AUH: variants seen among roughly 807,000 people sequenced by gnomAD.
AUH encodes the protein AU RNA binding methylglutaconyl-CoA hydratase, also known as methylglutaconyl-CoA hydratase, mitochondrial.
Under a neutral mutation model 42.3 loss-of-function variants are expected in AUH, and 29 were observed. The ratio of observed to expected loss-of-function variants is 0.69; its 90% CI spans 0.51 to 0.93. AUH has a LOEUF of 0.93. Among genes scored for constraint, AUH ranks in the 40% least tolerant of loss-of-function variants. The pLI, the probability that AUH is intolerant of heterozygous loss-of-function variation, is 0.00. For missense variants in AUH, 452 were observed against 438.1 expected, an observed-to-expected ratio of 1.03 and a Z score of -0.28; for synonymous variants, 174 against 166.4, an observed-to-expected ratio of 1.05 and a Z score of -0.35.
intron 4 of AUH, among the ~76,000 whole-genome samples, chr9:91,311,514 A>T (rs1471865048): frequency 6.6e-6 from 1 of 152,260 alleles, no homozygotes. Context: ...ATATTTCTTT[A>T]TCATTAGGTA....
At chr9:91,339,481 A>G (rs1057192104) in intron 3 of AUH, among the ~76,000 whole-genome samples, 8 of 152,256 alleles carry the variant, frequency 5.3e-5, no homozygotes, top group Admixed American at 3.9e-4. Context: ...GAAGGTAACA[A>G]TGAACCCTGT....
At chr9:91,354,344 C>T (rs930105977) in intron 3 of AUH, among the ~76,000 whole-genome samples, 2 of 152,150 alleles carry the variant, frequency 1.3e-5, no homozygotes, top group African/African-American at 4.8e-5. Context: ...CCTGATTGTA[C>T]GAAAGTTTAA....
intron 6 of AUH, among the ~76,000 whole-genome samples, chr9:91,243,983 G>C (rs1239503705): frequency 6.6e-6 from 1 of 152,094 alleles, no homozygotes; most frequent in African/African-American, 2.4e-5. Flanking sequence ...TCTTAGCATA[G>C]CAAAGAAACT....
intron 4 of AUH, chr9:91,306,448 C>G: frequency 1.1e-6 from 1 of 906,124 alleles, no homozygotes; most frequent in Non-Finnish European, 1.3e-6. Flanking sequence ...AAAAAGATAA[C>G]ATACCATAAG....
chr9:91,266,779 T>C (rs1829999629), intron 6 of AUH, among the ~76,000 whole-genome samples: 1 of 152,162 alleles, frequency 6.6e-6, no homozygotes, highest in South Asian at 2.1e-4. Flanking sequence ...CCCCTATGAC[T>C]GGGGCACATA....
intron 6 of AUH, among the ~76,000 whole-genome samples, chr9:91,269,055 ACT>A: frequency 6.6e-6 from 1 of 152,176 alleles, no homozygotes; most frequent in South Asian, 2.1e-4. Flanking sequence ...ATCTTGGCTA[ACT>A]GCAACCTTCA....
intron 6 of AUH, among the ~76,000 whole-genome samples, chr9:91,259,987 A>C (rs2131436614): frequency 6.6e-6 from 1 of 152,244 alleles, no homozygotes; most frequent in East Asian, 1.9e-4. Flanking sequence ...TCTATCAATT[A>C]TGTAATCTCC....
intron 1 of AUH, among the ~76,000 whole-genome samples, chr9:91,358,376 G>A (rs1028421661): frequency 6.6e-6 from 1 of 152,174 alleles, no homozygotes; most frequent in African/African-American, 2.4e-5. Context: ...CAGGCTCTAA[G>A]GTGTGATTGC....
intron 6 of AUH, among the ~76,000 whole-genome samples, chr9:91,288,336 GTT>G (rs1826582652): frequency 6.6e-6 from 1 of 152,092 alleles, no homozygotes; most frequent in Admixed American, 6.6e-5. Context: ...GGAAAGTACT[GTT>G]TTAGGAACTA....
At chr9:91,220,769 A>C (rs1256643129) in intron 7 of AUH, 36 bp downstream of exon 7, 1 of 1,610,314 alleles carries the variant, frequency 6.2e-7, no homozygotes, top group Non-Finnish European at 8.5e-7. Context: ...ATGTTTCCTA[A>C]AATGAGAAAA....
chr9:91,361,411 T>C (rs567828572), intron 1 of AUH, among the ~76,000 whole-genome samples: 1 of 152,260 alleles, frequency 6.6e-6, no homozygotes, highest in East Asian at 1.9e-4. Context: ...GGTAAGCTGC[T>C]CGGGGGTACA....
intron 6 of AUH, among the ~76,000 whole-genome samples, chr9:91,244,825 T>C (rs1362654750): frequency 6.6e-6 from 1 of 152,178 alleles, no homozygotes; most frequent in Non-Finnish European, 1.5e-5. Context: ...CAAAATATGG[T>C]TTATGGCAAC....
At chr9:91,234,110 C>A (rs768804914) in intron 6 of AUH, among the ~76,000 whole-genome samples, 11 of 152,184 alleles carry the variant, frequency 7.2e-5, no homozygotes, top group Non-Finnish European at 1.5e-4. Flanking sequence ...CATCCACTGC[C>A]CCCATTAAAA....
At chr9:91,258,806 T>C (rs753138966) in intron 6 of AUH, among the ~76,000 whole-genome samples, 16 of 152,338 alleles carry the variant, frequency 1.1e-4, no homozygotes, top group African/African-American at 1.4e-4. Flanking sequence ...TCTGTGAACA[T>C]TGAGATGACC....
At chr9:91,324,559 AAG>A (rs1414649172) in intron 4 of AUH, among the ~76,000 whole-genome samples, 12,980 of 148,944 alleles carry the variant, frequency 0.087, 483 homozygotes, top group Middle Eastern at 0.12. Context: ...AAAAAAAAAA[AAG>A]AAAGCCAAAT....
intron 6 of AUH, among the ~76,000 whole-genome samples, chr9:91,259,289 T>C (rs1310125828): frequency 6.6e-6 from 1 of 152,248 alleles, no homozygotes; most frequent in Non-Finnish European, 1.5e-5. Context: ...ATGTTTCTCA[T>C]AATATTCTCT....
intron 6 of AUH, among the ~76,000 whole-genome samples, chr9:91,271,787 T>C (rs1232849649): frequency 6.6e-6 from 1 of 152,292 alleles, no homozygotes; most frequent in South Asian, 2.1e-4. Flanking sequence ...TTCAAGCGAT[T>C]CTCCTGCCTC....
intron 3 of AUH, among the ~76,000 whole-genome samples, chr9:91,331,153 G>T (rs1230326274): frequency 6.6e-6 from 1 of 151,956 alleles, no homozygotes; most frequent in East Asian, 1.9e-4. Flanking sequence ...CTGTCTCCAA[G>T]CAAGGGAGAC....
intron 9 of AUH, among the ~76,000 whole-genome samples, chr9:91,215,561 G>A (rs559322831): frequency 2.0e-5 from 3 of 152,096 alleles, no homozygotes; most frequent in Admixed American, 2.0e-4. Flanking sequence ...TTTACACTTG[G>A]TTGAATCCAC....
Sources: allele counts gnomAD v4.1 joint callset (sites outside exome capture counted in the v4.1 genomes callset), GRCh38; gene constraint gnomAD v4.1.1; transcripts MANE v1.5; gene names NCBI Gene and HGNC (gene_info 2026-07-23, HGNC 2026-07-21).